Variants in ENPP1 observed in about 807,000 individuals in gnomAD.
ENPP1 encodes ectonucleotide pyrophosphatase/phosphodiesterase family member 1.
In ENPP1, 73 loss-of-function variants were observed where a neutral mutation model predicts 122.8. The observed-to-expected ratio is 0.59, with a 90% confidence interval of 0.49 to 0.72. The LOEUF (loss-of-function observed/expected upper bound fraction) is 0.72. Ranked by LOEUF, ENPP1 falls within the 30% of genes least tolerant of loss-of-function variation. ENPP1 has a pLI of 0.00. For missense variants in ENPP1, 978 were observed against 1,128.1 expected, an observed-to-expected ratio of 0.87 and a Z score of 1.91; for synonymous variants, 367 against 391.6, an observed-to-expected ratio of 0.94 and a Z score of 0.74.
intron 1 of ENPP1, among the ~76,000 whole-genome samples, chr6:131,813,109 A>G (rs747243560): frequency 1.3e-5 from 2 of 152,270 alleles, no homozygotes; most frequent in East Asian, 1.9e-4. Context: ...CCAAAGTGCT[A>G]TGATTATAGG....
intron 1 of ENPP1, among the ~76,000 whole-genome samples, chr6:131,815,858 C>T (rs1020344655): frequency 6.7e-6 from 1 of 150,132 alleles, no homozygotes; most frequent in African/African-American, 2.5e-5. Flanking sequence ...GCGCACACCA[C>T]CACACCTGGC....
At chr6:131,869,521 G>A (rs775955888) in intron 13 of ENPP1, 32 bp downstream of exon 13, 22 of 1,606,520 alleles carry the variant, frequency 1.4e-5, no homozygotes, top group Non-Finnish European at 1.6e-5. Context: ...CTTTGAATAT[G>A]GTCATATTAA....
intron 1 of ENPP1, among the ~76,000 whole-genome samples, chr6:131,845,432 TTTG>T (rs1466727460): frequency 2.0e-5 from 3 of 149,650 alleles, no homozygotes; most frequent in African/African-American, 4.9e-5. Context: ...TAAAACAGTT[TTTG>T]TTGTTGTTTT....
rs1282738984 is a variant in ENPP1, at chr6:131,861,521, T to C, written c.916-74T>C. The stretch of plus-strand genomic sequence containing the variant: ...AGCACTAGAGAGGAATGCATTGGTG[T>C]GGTATGAATACATACTTTCCTAAGA... On this transcript the variant is annotated intron_variant, in intron 8 of 24. Transcript: ENST00000647893. 4 of 913,302 alleles carry C rather than the reference T, an allele frequency of 4.4e-6. No homozygotes were observed. In the East Asian group the frequency reaches 9.7e-5, roughly 22 times the overall value. The allele number at this position is 913,302 out of a possible 1,614,324, so 56.6% of individuals were successfully genotyped here.
intron 13 of ENPP1, among the ~76,000 whole-genome samples, chr6:131,869,976 G>A (rs1214768658): frequency 1.3e-5 from 2 of 151,924 alleles, no homozygotes; most frequent in Non-Finnish European, 2.9e-5. Context: ...TACACAAATG[G>A]ATTTTATGGG....
intron 1 of ENPP1, among the ~76,000 whole-genome samples, chr6:131,835,380 T>C (rs1301008378): frequency 6.6e-6 from 1 of 152,198 alleles, no homozygotes; most frequent in Non-Finnish European, 1.5e-5. Flanking sequence ...GATAATTAAT[T>C]AAAAAGAGGA....
rs747329861 is a variant in ENPP1, at chr6:131,860,490, G to A, written c.899G>A (p.Trp300Ter). 3 of 1,595,772 alleles carry A rather than the reference G, an allele frequency of 1.9e-6. No individual in the cohort carries two copies. Among genetic ancestry groups the A allele is most frequent in the African/African-American group, 1.3e-5 (1 of 74,496 alleles). The change falls in exon 8 of 25, where the codon TGG becomes TAG. Residue 300 changes from tryptophan to a stop codon, truncating the protein, a stop_gained. Coordinates refer to ENST00000647893, the MANE Select transcript of ENPP1 (RefSeq NM_006208.3). LOFTEE classifies it high-confidence loss of function. ...LKSKEKFNPEWYKGEPIWVTA... is the reference protein window; with the variant it reads ...LKSKEKFNPE ...AGTAAAGAGAAATTTAATCCTGAGT[G>A]GTACAAAGGAGAACCAGTGAGTTCT...
At chr6:131,816,260 G>C (rs1781412904) in intron 1 of ENPP1, among the ~76,000 whole-genome samples, 1 of 151,824 alleles carries the variant, frequency 6.6e-6, no homozygotes, top group African/African-American at 2.4e-5. Flanking sequence ...ATGGGGAGAG[G>C]CATTTAAGTT....
chr6:131,808,231 G>T lies in ENPP1; in HGVS notation c.196G>T (p.Ala66Ser). Reference protein sequence around the residue: ...GEEPLEKAARARTAKDPNTYK... With the variant: ...GEEPLEKAARSRTAKDPNTYK... ...GGAGCCGCTGGAGAAGGCGGCGCGCGCCCGCACTGCCAAGGACCCCAACAC... is the reference window on the plus strand; with the variant it reads ...GGAGCCGCTGGAGAAGGCGGCGCGCTCCCGCACTGCCAAGGACCCCAACAC... The change falls in exon 1 of 25, where the codon GCC (alanine) becomes TCC (serine). Residue 66 changes from alanine (A) to serine (S), a missense_variant. Around this residue, in one of 3 missense-constraint regions of ENPP1, gnomAD observed 330 missense variants for 328.5 expected, o/e 1.00. Coordinates refer to ENST00000647893, the MANE Select transcript of ENPP1 (RefSeq NM_006208.3). The T allele has an allele frequency of 1.3e-6, 2 of 1,516,482 alleles. No individual in the cohort carries two copies. The highest frequency in any genetic ancestry group is 8.8e-7 in the Non-Finnish European group (1 of 1,132,206). 93.9% of individuals were successfully genotyped at this position (1,516,482 alleles called of 1,614,324 possible).
At chr6:131,815,837 TGGGATTACA>T (rs1054426493) in intron 1 of ENPP1, among the ~76,000 whole-genome samples, 1 of 151,368 alleles carries the variant, frequency 6.6e-6, no homozygotes, top group Non-Finnish European at 1.5e-5. Context: ...CCTGAGTAGC[TGGGATTACA>T]GGCGCACACC....
intron 1 of ENPP1, 54 bp downstream of exon 1, chr6:131,808,329 C>T: frequency 6.9e-7 from 1 of 1,449,022 alleles, no homozygotes; most frequent in Non-Finnish European, 9.1e-7. Flanking sequence ...ACGGGGAGGG[C>T]GGCGCCGAGC....
Position 131,878,545 on chromosome 6 carries a change from T to G in ENPP1, c.1897T>G (p.Leu633Val). 6.2e-7 allele frequency: 1 copy of G among 1,609,482 alleles called. No individual in the cohort carries two copies. Residue 633 changes from leucine to valine, a missense_variant, in exon 19 of 25, where the codon TTG (leucine) becomes GTG (valine). Transcript: ENST00000647893. ...ATAGTTTTATAACCTTTTTTAGATT[T>G]TGCCGATTGAGGATTTTCAAACACA... Reference protein sequence around the residue: ...NLGCSCNPSILPIEDFQTQFN... With the variant: ...NLGCSCNPSIVPIEDFQTQFN...
At chr6:131,829,134 C>T (rs1163894019) in intron 1 of ENPP1, among the ~76,000 whole-genome samples, 3 of 152,246 alleles carry the variant, frequency 2.0e-5, no homozygotes, top group African/African-American at 7.2e-5. Flanking sequence ...GGATAAGATT[C>T]ATGAGGCTTT....
In ENPP1 at chr6:131,872,914, C is replaced by T; in HGVS notation, c.1438-9C>T. On this transcript the variant is annotated splice_polypyrimidine_tract_variant and intron_variant, in intron 14 of 24. Transcript: ENST00000647893. ...AATAATAGTTTTTCTTTGCTGTTTG[C>T]AATTTCAGTGCCGGGAACCAAACCA... The T allele has an allele frequency of 6.2e-7, 1 of 1,613,390 alleles. No individual in the cohort carries two copies.
rs183080896 is a variant in ENPP1, at chr6:131,862,283, T to A, written c.1025+579T>A. ...TTTAGTTCAGATCTTCGGGCAGACA[T>A]GAAAAATGAGGTCATGGTGGAGGTA... On this transcript the variant is annotated intron_variant, in intron 9 of 24. Coordinates refer to ENST00000647893, the MANE Select transcript of ENPP1 (RefSeq NM_006208.3). Among the ~76,000 whole-genome samples the A allele has an allele frequency of 1.6e-4, 24 of 152,100 alleles. No individual in the cohort carries two copies. The East Asian group carries it at 4.6e-3, about 29-fold the overall frequency.
intron 1 of ENPP1, among the ~76,000 whole-genome samples, chr6:131,811,972 T>C (rs1255890167): frequency 6.6e-6 from 1 of 152,168 alleles, no homozygotes; most frequent in Admixed American, 6.5e-5. Context: ...GTACTATCAC[T>C]TAAAAACTTA....
intron 1 of ENPP1, among the ~76,000 whole-genome samples, chr6:131,831,114 C>CAAAAAAAAAAAAAAAAAAAAAAAAAAAAA (rs3036850): frequency 1.7e-5 from 1 of 60,016 alleles, no homozygotes; most frequent in African/African-American, 6.5e-5. Flanking sequence ...GCCCATCTCT[C>CAAAAAAAAAAAAAAAAAAAAAAAAAAAAA]AAAAAAAAAA....
intron 10 of ENPP1, 109 bp downstream of exon 10, chr6:131,864,680 C>G: frequency 1.2e-6 from 1 of 858,544 alleles, no homozygotes; most frequent in South Asian, 1.5e-5. Flanking sequence ...TGTTTTATAT[C>G]GAAATAAATT....
chr6:131,856,367 T>C (rs572013646), intron 6 of ENPP1, among the ~76,000 whole-genome samples: 1 of 150,778 alleles, frequency 6.6e-6, no homozygotes, highest in Non-Finnish European at 1.5e-5. Context: ...TTGTTTGAGT[T>C]CATTGTAGAT....
Sources: gnomAD v4.1 joint callset for allele counts (sites outside exome capture counted in the v4.1 genomes callset) on GRCh38, gnomAD v4.1.1 for gene constraint, gnomAD v4.1.1 regional missense constraint, MANE v1.5 for transcripts, NCBI Gene and HGNC (gene_info 2026-07-23, HGNC 2026-07-21) for gene names.